RBFOX1: variants seen among roughly 807,000 people sequenced by gnomAD.
RBFOX1 encodes RNA binding fox-1 homolog 1, also known as RNA binding protein fox-1 homolog 1.
Under a neutral mutation model 57.7 loss-of-function variants are expected in RBFOX1, and 8 were observed. That is an observed-to-expected ratio of 0.14 (90% CI 0.08 to 0.25). The LOEUF (loss-of-function observed/expected upper bound fraction) is 0.25, where lower values mean the gene tolerates loss of function less well. Ranked by LOEUF, RBFOX1 falls within the 10% of genes least tolerant of loss-of-function variation. The pLI, the probability that RBFOX1 is intolerant of heterozygous loss-of-function variation, is 1.00. For synonymous variants in RBFOX1, 326 were observed against 222.4 expected (o/e 1.47, Z -4.15); for missense variants, 611 against 548.5 (o/e 1.11, Z -1.14).
intron 4 of RBFOX1, among the ~76,000 whole-genome samples, chr16:7,152,565 A>C (rs539209839): frequency 6.6e-6 from 1 of 152,118 alleles, no homozygotes; most frequent in African/African-American, 2.4e-5. Context: ...ATAGGCAGTT[A>C]GGTTCACTGG....
intron 6 of RBFOX1, 26 bp downstream of exon 6, chr16:7,579,946 G>T (rs1016132142): frequency 1.2e-6 from 2 of 1,611,744 alleles, no homozygotes; most frequent in Admixed American, 3.3e-5. Context: ...CTTCCCAGCA[G>T]TGCCCGCTCT....
At chr16:7,377,714 G>A (rs1185741638) in intron 4 of RBFOX1, among the ~76,000 whole-genome samples, 2 of 152,186 alleles carry the variant, frequency 1.3e-5, no homozygotes, top group South Asian at 4.1e-4. Flanking sequence ...TGGGATCTAA[G>A]AACAATTTCA....
chr16:6,930,185 G>T (rs962402186), intron 3 of RBFOX1, among the ~76,000 whole-genome samples: 2 of 152,190 alleles, frequency 1.3e-5, no homozygotes, highest in Non-Finnish European at 2.9e-5. Flanking sequence ...CTTTGATAAG[G>T]GATTAATATT....
chr16:6,915,582 G>C (rs569921093), intron 3 of RBFOX1, among the ~76,000 whole-genome samples: 3 of 121,330 alleles, frequency 2.5e-5, no homozygotes, highest in African/African-American at 3.3e-5. Context: ...ACAGTGTCTT[G>C]CTCTGTCACC....
chr16:5,785,211 C>A (rs2054459910), intron 3 of RBFOX1, among the ~76,000 whole-genome samples: 1 of 152,204 alleles, frequency 6.6e-6, no homozygotes. Flanking sequence ...CTGTTCTCTT[C>A]TCAGTGAAGG....
chr16:6,927,744 G>GC (rs1423193421), intron 3 of RBFOX1, among the ~76,000 whole-genome samples: 1 of 151,978 alleles, frequency 6.6e-6, no homozygotes, highest in Non-Finnish European at 1.5e-5. Flanking sequence ...CCTATGTAAG[G>GC]CCTGGAACCT....
intron 3 of RBFOX1, among the ~76,000 whole-genome samples, chr16:6,986,479 G>A (rs568562554): frequency 2.0e-5 from 3 of 152,230 alleles, no homozygotes; most frequent in Admixed American, 6.5e-5. Context: ...TATTACAGGC[G>A]TGAGCCACCA....
intron 14 of RBFOX1, among the ~76,000 whole-genome samples, chr16:7,686,146 G>C (rs371028535): frequency 4.3e-4 from 66 of 151,932 alleles, no homozygotes; most frequent in African/African-American, 1.5e-3. Flanking sequence ...AGCAGCAGCA[G>C]CATCACTGAA....
At chr16:6,552,914 C>G (rs1174354920) in intron 2 of RBFOX1, among the ~76,000 whole-genome samples, 1 of 152,022 alleles carries the variant, frequency 6.6e-6, no homozygotes, top group Non-Finnish European at 1.5e-5. Context: ...TATTAGATTA[C>G]ATAGATTTCT....
chr16:5,747,419 C>A (rs1053892016), intron 3 of RBFOX1, among the ~76,000 whole-genome samples: 1 of 152,086 alleles, frequency 6.6e-6, no homozygotes, highest in African/African-American at 2.4e-5. Context: ...AGGGAGGATT[C>A]CCTCTTTTTC....
chr16:6,679,077 T>C (rs1422648198), intron 3 of RBFOX1, among the ~76,000 whole-genome samples: 1 of 152,132 alleles, frequency 6.6e-6, no homozygotes, highest in Non-Finnish European at 1.5e-5. Flanking sequence ...CTAATCTTTT[T>C]GAACAGAGAG....
At chr16:7,328,166 G>A (rs532065827) in intron 4 of RBFOX1, among the ~76,000 whole-genome samples, 104 of 152,206 alleles carry the variant, frequency 6.8e-4, no homozygotes, top group African/African-American at 2.4e-3. Flanking sequence ...ACTGTGCCCA[G>A]CTTATGTTAG....
At chr16:5,427,557 C>A (rs2067598841) in intron 1 of RBFOX1, among the ~76,000 whole-genome samples, 1 of 151,942 alleles carries the variant, frequency 6.6e-6, no homozygotes, top group Non-Finnish European at 1.5e-5. Context: ...TACACTCCAG[C>A]CTGGGCAACA....
intron 2 of RBFOX1, among the ~76,000 whole-genome samples, chr16:5,504,963 C>T (rs1400843711): frequency 1.3e-5 from 2 of 152,060 alleles, no homozygotes; most frequent in Admixed American, 6.6e-5. Flanking sequence ...GGGCTGGGGA[C>T]GATGGGTTTG....
intron 4 of RBFOX1, among the ~76,000 whole-genome samples, chr16:5,909,143 A>G (rs1382201224): frequency 8.4e-6 from 1 of 118,402 alleles, no homozygotes; most frequent in Admixed American, 1.2e-4. Context: ...CCTAGGCTGG[A>G]GTGCAGTGGT....
chr16:7,355,679 G>A (rs187733956), intron 4 of RBFOX1, among the ~76,000 whole-genome samples: 1 of 152,254 alleles, frequency 6.6e-6, no homozygotes, highest in East Asian at 1.9e-4. Context: ...TCTATAAACA[G>A]TAATACCATG....
At chr16:6,917,261 C>T (rs574641413) in intron 3 of RBFOX1, among the ~76,000 whole-genome samples, 6 of 152,264 alleles carry the variant, frequency 3.9e-5, no homozygotes, top group Admixed American at 3.3e-4. Flanking sequence ...AAGAGTCTGT[C>T]CCAGCTACTG....
At chr16:7,453,901 A>G (rs950259833) in intron 4 of RBFOX1, among the ~76,000 whole-genome samples, 1 of 152,130 alleles carries the variant, frequency 6.6e-6, no homozygotes, top group Non-Finnish European at 1.5e-5. Flanking sequence ...GCAAAGAAGG[A>G]GTGGAGGAAG....
chr16:5,903,245 C>T lies in RBFOX1; in HGVS notation c.351+35910C>T, dbSNP rs74004696. Among the ~76,000 whole-genome samples, 797 of 152,290 alleles carry T rather than the reference C, an allele frequency of 5.2e-3. 7 individuals carry two copies. Among genetic ancestry groups the T allele is most frequent in the African/African-American group, 0.018 (734 of 41,554 alleles). On this transcript the variant is annotated intron_variant, in intron 4 of 19. Coordinates refer to the RBFOX1 transcript ENST00000641259. ...AACTAACACCTGCCATAATATTCTC[C>T]ACTCTACCTTGTTGCTCTGACATAT...
Sources: allele counts gnomAD v4.1 joint callset (sites outside exome capture counted in the v4.1 genomes callset), GRCh38; gene constraint gnomAD v4.1.1; transcripts MANE v1.5; gene names NCBI Gene and HGNC (gene_info 2026-07-23, HGNC 2026-07-21).